Variants in ENTPD1 observed in about 807,000 individuals in gnomAD.
The protein encoded by ENTPD1 is ATP diphosphohydrolase.
Under a neutral mutation model 57.0 loss-of-function variants are expected in ENTPD1, and 33 were observed. That is an observed-to-expected ratio of 0.58 (90% CI 0.44 to 0.77). The LOEUF is 0.77. Ranked by LOEUF, ENTPD1 falls within the 30% of genes least tolerant of loss-of-function variation. ENTPD1 has a pLI of 0.00. For missense variants in ENTPD1, 501 were observed against 603.4 expected (o/e 0.83, Z 1.78); for synonymous variants, 202 against 218.8 (o/e 0.92, Z 0.68).
intron 7 of ENTPD1, among the ~76,000 whole-genome samples, chr10:95,852,648 T>C (rs1454389040): frequency 1.3e-5 from 2 of 152,248 alleles, no homozygotes; most frequent in Admixed American, 6.5e-5. Flanking sequence ...TTTCTACGTA[T>C]GGCTAGCCAG....
chr10:95,867,462 C>A lies in ENTPD1; in HGVS notation c.*1079C>A. On this transcript the variant is annotated 3_prime_UTR_variant, in exon 10 of 10. Coordinates refer to ENST00000371205, the MANE Select transcript of ENTPD1 (RefSeq NM_001776.6). ...TAGTTCACTGAGTTTTAAAGCCAAG[C>A]CACATCTTATTTTTCCAAGGTTTAA... The A allele has an allele frequency of 1.0e-6, 1 of 985,418 alleles. No homozygotes were observed. The highest frequency in any genetic ancestry group is 1.2e-6 in the Non-Finnish European group (1 of 829,940). 61.0% of individuals were successfully genotyped at this position (985,418 alleles called of 1,614,324 possible).
chr10:95,800,658 C>G (rs573268464), intron 1 of ENTPD1, among the ~76,000 whole-genome samples: 2 of 152,270 alleles, frequency 1.3e-5, no homozygotes, highest in South Asian at 2.1e-4. Context: ...CAGGGTTACT[C>G]CTTGCTGGGA....
chr10:95,738,307 G>C (rs2097996750), intron 1 of ENTPD1, among the ~76,000 whole-genome samples: 1 of 152,294 alleles, frequency 6.6e-6, no homozygotes, highest in South Asian at 2.1e-4. Context: ...TGCCTGCCTT[G>C]ATTTCTAGAT....
upstream of ENTPD1, among the ~76,000 whole-genome samples, chr10:95,709,584 A>C (rs974435890): frequency 6.6e-6 from 1 of 151,816 alleles, no homozygotes; most frequent in African/African-American, 2.4e-5. Context: ...AAGTTTCACC[A>C]TGTTGGTCAG....
chr10:95,773,325 A>C (rs549953770), intron 1 of ENTPD1, among the ~76,000 whole-genome samples: 1 of 152,346 alleles, frequency 6.6e-6, no homozygotes, highest in African/African-American at 2.4e-5. Context: ...TTGTATTAGC[A>C]GGCATGAAAA....
rs1030178588 is a variant in ENTPD1 at position 95,865,482 on chromosome 10, A to G, written c.1326+621A>G. 7.9e-5 allele frequency among the ~76,000 whole-genome samples: 12 copies of G among 152,268 alleles called. No homozygotes were observed. The East Asian group carries it at 1.5e-3, about 20-fold the overall frequency. On this transcript the variant is annotated intron_variant, in intron 9 of 9. Coordinates refer to ENST00000371205, the MANE Select transcript of ENTPD1 (RefSeq NM_001776.6). Reference sequence around the variant, plus strand: ...AAAATACCCAGAGCAGTGTGTCTCTACCTTTTTAAGCCCATGCTCACTAGT... The same window carrying G: ...AAAATACCCAGAGCAGTGTGTCTCTGCCTTTTTAAGCCCATGCTCACTAGT...
intron 1 of ENTPD1, among the ~76,000 whole-genome samples, chr10:95,717,337 GTT>G (rs10609572): frequency 0.19 from 23,412 of 122,408 alleles, 1,179 homozygotes; most frequent in Admixed American, 0.27. Context: ...GATCTGCAGG[GTT>G]TTTTTTTTTT....
Position 95,875,924 on chromosome 10 carries a change from A to G in ENTPD1, c.*9541A>G. ...TCCTGTGGGAATTCTGGAAGGTACA[A>G]TTCAAGTTGAGATTTGGGTGGGGAC... On this transcript the variant is annotated 3_prime_UTR_variant, in exon 10 of 10. Transcript: ENST00000371205. The G allele has an allele frequency of 1.0e-6, 1 of 975,774 alleles. No homozygotes were observed. The highest frequency in any genetic ancestry group is 1.7e-5 in the African/African-American group (1 of 57,168). 60.4% of individuals were successfully genotyped at this position (975,774 alleles called of 1,614,324 possible).
chr10:95,807,294 G>A (rs1282908881), intron 1 of ENTPD1, among the ~76,000 whole-genome samples: 3 of 152,222 alleles, frequency 2.0e-5, no homozygotes, highest in South Asian at 2.1e-4. Context: ...ACAAGGCTCC[G>A]TGGGTGTGTG....
rs1448456389 is a variant in ENTPD1 at position 95,873,090 on chromosome 10, T to A, written c.*6707T>A. The A allele has an allele frequency of 1.1e-6, 1 of 927,078 alleles. No homozygotes were observed. Among genetic ancestry groups the A allele is most frequent in the African/African-American group, 1.8e-5 (1 of 55,950 alleles). The allele number at this position is 927,078 out of a possible 1,614,324, so 57.4% of individuals were successfully genotyped here. ...TAATTAATATAAATAATTCAGTAGG[T>A]CTGGGGTGAGGCCTGAGGTTTTACA... is the stretch of plus-strand genomic sequence containing the variant. On this transcript the variant is annotated 3_prime_UTR_variant, in exon 10 of 10. Coordinates refer to ENST00000371205, the MANE Select transcript of ENTPD1 (RefSeq NM_001776.6).
chr10:95,797,837 G>A (rs2098232849), intron 1 of ENTPD1, among the ~76,000 whole-genome samples: 1 of 152,186 alleles, frequency 6.6e-6, no homozygotes, highest in Non-Finnish European at 1.5e-5. Flanking sequence ...ATTTTAACAT[G>A]AGATTTGGAG....
the ENTPD1 span, among the ~76,000 whole-genome samples, chr10:95,704,964 A>G: frequency 6.6e-6 from 1 of 152,004 alleles, no homozygotes; most frequent in Non-Finnish European, 1.5e-5. Context: ...TCCCCCAAAA[A>G]ATTGACCAAA....
upstream of ENTPD1, chr10:95,755,546 A>G: frequency 3.0e-6 from 2 of 666,764 alleles, no homozygotes; most frequent in Non-Finnish European, 5.1e-6. Flanking sequence ...ACTTTCATCA[A>G]TTCATAGCCA....
chr10:95,859,104 A>T (rs1303701841), intron 7 of ENTPD1, among the ~76,000 whole-genome samples: 1 of 152,206 alleles, frequency 6.6e-6, no homozygotes, highest in African/African-American at 2.4e-5. Flanking sequence ...AATTTATTAA[A>T]AAGGACTAAT....
intron 1 of ENTPD1, 26 bp from the exon 2 acceptor site, chr10:95,823,211 T>A (rs3176889): frequency 1.1e-5 from 18 of 1,612,904 alleles, no homozygotes; most frequent in Non-Finnish European, 1.5e-5. Context: ...CTTGTTGGTA[T>A]TTTTTTCTTC....
At chr10:95,711,817 CT>C in exon 1 of ENTPD1, 1 of 1,195,878 alleles carries the variant, frequency 8.4e-7, no homozygotes. Context: ...ATTTGTATGC[CT>C]TTTCTCCTAT....
Position 95,867,237 on chromosome 10 carries a change from A to G in ENTPD1, c.*854A>G, listed in dbSNP as rs751087519. 5.2e-5 allele frequency: 51 copies of G among 977,932 alleles called. No homozygotes were observed. The highest frequency in any genetic ancestry group is 6.0e-5 in the Non-Finnish European group (49 of 823,072). The allele number at this position is 977,932 out of a possible 1,614,324, so 60.6% of individuals were successfully genotyped here. A position where few individuals can be genotyped will look rare whatever the true frequency, so the allele number is the denominator to read the frequency against. On this transcript the variant is annotated 3_prime_UTR_variant, in exon 10 of 10. Transcript: ENST00000371205. ...AAAATATACATAAATATAATTCACC[A>G]TTTTAACATTTAATTCATATTAAAT...
intron 2 of ENTPD1, among the ~76,000 whole-genome samples, chr10:95,825,617 G>T (rs572314071): frequency 1.3e-5 from 2 of 152,020 alleles, no homozygotes; most frequent in East Asian, 3.8e-4. Context: ...TCGCTCTGTC[G>T]CCCAGGCTGG....
chr10:95,756,397 G>A, intron 1 of ENTPD1, 142 bp downstream of exon 1: 1 of 977,752 alleles, frequency 1.0e-6, no homozygotes, highest in East Asian at 2.6e-5. Flanking sequence ...CCTTCTGAGA[G>A]GAGGCAGAGA....
Sources: allele counts gnomAD v4.1 joint callset (sites outside exome capture counted in the v4.1 genomes callset), GRCh38; gene constraint gnomAD v4.1.1; transcripts MANE v1.5; gene names NCBI Gene and HGNC (gene_info 2026-07-23, HGNC 2026-07-21).